DNAJA3: variants seen among roughly 807,000 people sequenced by gnomAD.
DNAJA3 encodes DnaJ heat shock protein family (Hsp40) member A3.
In DNAJA3, 29 loss-of-function variants were observed where a neutral mutation model predicts 54.9. The ratio of observed to expected loss-of-function variants is 0.53; its 90% confidence interval spans 0.39 to 0.72. DNAJA3 has a LOEUF of 0.72. DNAJA3 is among the 30% of genes least tolerant of loss of function. The pLI, the probability that DNAJA3 is intolerant of heterozygous loss-of-function variation, is 0.00. For missense variants in DNAJA3, 708 were observed against 639.4 expected (o/e 1.11, Z -1.16); for synonymous variants, 302 against 251.4 (o/e 1.20, Z -1.90).
intron 1 of DNAJA3, among the ~76,000 whole-genome samples, chr16:4,432,521 T>C (rs2056717437): frequency 6.6e-6 from 1 of 151,696 alleles, no homozygotes; most frequent in South Asian, 2.1e-4. Flanking sequence ...TTTGTATTTT[T>C]AGTAGAGATG....
intron 10 of DNAJA3, among the ~76,000 whole-genome samples, chr16:4,451,302 T>A (rs1032997724): frequency 1.3e-5 from 2 of 152,084 alleles, no homozygotes; most frequent in Non-Finnish European, 2.9e-5. Context: ...AGCCTTAGAT[T>A]AGTGCATGGT....
In DNAJA3 at chr16:4,454,939, C is replaced by T; in HGVS notation, c.*13+12C>T. 1.3e-6 allele frequency: 2 copies of T among 1,574,024 alleles called. No individual in the cohort carries two copies. Among genetic ancestry groups the T allele is most frequent in the South Asian group, 1.1e-5 (1 of 89,478 alleles). On this transcript the variant is annotated intron_variant, in intron 11 of 11. Coordinates refer to ENST00000262375, the MANE Select transcript of DNAJA3 (RefSeq NM_005147.6). ...ATATCCCAGCCGAGGTAGGAAAACC[C>T]TGGAGGTTTTTTTTCCCTTTGTTTT...
chr16:4,446,854 T>C (rs752977018), intron 7 of DNAJA3, 32 bp from the exon 8 acceptor site: 15 of 1,612,016 alleles, frequency 9.3e-6, no homozygotes, highest in African/African-American at 2.7e-5. Flanking sequence ...AGTGGACTTA[T>C]CTTCACATGC....
At chr16:4,434,662 T>C (rs1411422181) in intron 2 of DNAJA3, 145 bp downstream of exon 2, 8 of 1,038,978 alleles carry the variant, frequency 7.7e-6, no homozygotes, top group South Asian at 1.8e-5. Flanking sequence ...AGCTGGACTT[T>C]GCTAGACTGT....
At chr16:4,445,228 C>T (rs922509297) in intron 7 of DNAJA3, among the ~76,000 whole-genome samples, 4 of 152,204 alleles carry the variant, frequency 2.6e-5, no homozygotes, top group Non-Finnish European at 2.9e-5. Context: ...CACTGCCTTC[C>T]TCCAACAAGA....
chr16:4,441,827 G>A (rs1166074627), intron 4 of DNAJA3, among the ~76,000 whole-genome samples: 4 of 152,200 alleles, frequency 2.6e-5, no homozygotes, highest in Admixed American at 2.0e-4. Flanking sequence ...CCATGAGGGT[G>A]TGAGTGTTGT....
intron 1 of DNAJA3, chr16:4,427,462 G>A (rs2056638783): frequency 6.6e-6 from 1 of 152,168 alleles, no homozygotes; most frequent in Admixed American, 6.5e-5. Flanking sequence ...TTCATGCAAT[G>A]TAAAGAAAAG....
intron 1 of DNAJA3, among the ~76,000 whole-genome samples, chr16:4,426,439 A>C (rs1048779981): frequency 4.5e-4 from 68 of 152,192 alleles, no homozygotes; most frequent in African/African-American, 1.5e-3. Context: ...GCTAACTGCC[A>C]TTCGGAGAGG....
At chr16:4,429,129 C>T (rs2056660420) in intron 1 of DNAJA3, among the ~76,000 whole-genome samples, 1 of 152,020 alleles carries the variant, frequency 6.6e-6, no homozygotes, top group African/African-American at 2.4e-5. Context: ...CCTCGTGATC[C>T]ACCCGCCTCC....
Position 4,435,242 on chromosome 16 carries a change from G to T in DNAJA3, c.345+725G>T, listed in dbSNP as rs530629961. 7.9e-5 allele frequency among the ~76,000 whole-genome samples: 12 copies of T among 151,920 alleles called. 1 individual carries two copies. In the South Asian group the frequency reaches 1.9e-3, roughly 24 times the overall value. On this transcript the variant is annotated intron_variant, in intron 2 of 11. Coordinates refer to ENST00000262375, the MANE Select transcript of DNAJA3 (RefSeq NM_005147.6). ...ATGTGAAATTCCCATTGTATCCCAG[G>T]GTCTATTAGGGTAGTTAGGGTAGCT...
intron 6 of DNAJA3, among the ~76,000 whole-genome samples, chr16:4,444,345 CT>C (rs1290640054): frequency 0.049 from 6,756 of 137,304 alleles, 181 homozygotes; most frequent in South Asian, 0.084. Context: ...TTTTTCTTTT[CT>C]TTTTTTTTTT....
chr16:4,429,550 T>C (rs773413336), intron 1 of DNAJA3, among the ~76,000 whole-genome samples: 5 of 151,534 alleles, frequency 3.3e-5, no homozygotes, highest in African/African-American at 4.8e-5. Flanking sequence ...ATTAGCTGAC[T>C]GTGGCCGGAC....
intron 1 of DNAJA3, among the ~76,000 whole-genome samples, chr16:4,426,319 C>A (rs1027367292): frequency 2.6e-5 from 4 of 152,190 alleles, no homozygotes; most frequent in African/African-American, 9.7e-5. Context: ...GATGAAACGC[C>A]CCGTAGATCG....
intron 1 of DNAJA3, among the ~76,000 whole-genome samples, chr16:4,428,287 C>T (rs987469505): frequency 2.0e-5 from 3 of 152,048 alleles, no homozygotes; most frequent in African/African-American, 7.2e-5. Flanking sequence ...GCTCTGTTGC[C>T]CAGGCCAAAT....
intron 5 of DNAJA3, chr16:4,442,809 T>C (rs573857363): frequency 3.0e-5 from 18 of 601,200 alleles, no homozygotes; most frequent in Non-Finnish European, 2.9e-6. Flanking sequence ...GTCAAGTTGA[T>C]GATCTGGAGT....
intron 1 of DNAJA3, among the ~76,000 whole-genome samples, chr16:4,430,250 A>G (rs1271011006): frequency 1.3e-5 from 2 of 151,894 alleles, no homozygotes; most frequent in Non-Finnish European, 2.9e-5. Context: ...TTTAGATGTG[A>G]CTTTTCTTCC....
At chr16:4,451,133 C>T (rs1387170157) in intron 10 of DNAJA3, among the ~76,000 whole-genome samples, 1 of 152,166 alleles carries the variant, frequency 6.6e-6, no homozygotes, top group Non-Finnish European at 1.5e-5. Flanking sequence ...CAGCTGCAGC[C>T]CCTCTTCCCA....
At chr16:4,429,832 C>T (rs2056673093) in intron 1 of DNAJA3, among the ~76,000 whole-genome samples, 1 of 149,504 alleles carries the variant, frequency 6.7e-6, no homozygotes, top group African/African-American at 2.5e-5. Flanking sequence ...GAAACTGTGT[C>T]TCAAAAAAAA....
chr16:4,445,453 C>T (rs745619466), intron 7 of DNAJA3, among the ~76,000 whole-genome samples: 1 of 152,176 alleles, frequency 6.6e-6, no homozygotes, highest in Non-Finnish European at 1.5e-5. Flanking sequence ...CACGGAAATA[C>T]ATAGTAAGTA....
Sources: gnomAD v4.1 joint callset for allele counts (sites outside exome capture counted in the v4.1 genomes callset) on GRCh38, gnomAD v4.1.1 for gene constraint, MANE v1.5 for transcripts, NCBI Gene and HGNC (gene_info 2026-07-23, HGNC 2026-07-21) for gene names.